Variants in PLPPR1 observed in about 807,000 individuals in gnomAD.
The protein encoded by PLPPR1 is phospholipid phosphatase related 1.
In PLPPR1, 10 loss-of-function variants were observed where a neutral mutation model predicts 33.1. The ratio of observed to expected loss-of-function variants is 0.30; its 90% CI spans 0.19 to 0.51. The LOEUF (loss-of-function observed/expected upper bound fraction) is 0.51, where lower values mean the gene tolerates loss of function less well. Ranked by LOEUF, PLPPR1 falls within the 20% of genes least tolerant of loss-of-function variation. The pLI is 0.97. For missense variants in PLPPR1, 304 were observed against 408.1 expected (o/e 0.74, Z 2.20); for synonymous variants, 151 against 151.0 (o/e 1.00, Z 0.00).
chr9:101,267,252 C>T (rs1329250151), intron 2 of PLPPR1, among the ~76,000 whole-genome samples: 1 of 152,230 alleles, frequency 6.6e-6, no homozygotes, highest in South Asian at 2.1e-4. Context: ...ACAGTAACTT[C>T]ATAGCTTTGA....
At chr9:101,050,018 G>C (rs907637828) in intron 1 of PLPPR1, among the ~76,000 whole-genome samples, 1 of 151,164 alleles carries the variant, frequency 6.6e-6, no homozygotes, top group South Asian at 2.1e-4. Flanking sequence ...CCAGCTACTC[G>C]GGAGGCTGAG....
chr9:101,212,380 G>A (rs924651018), intron 2 of PLPPR1, among the ~76,000 whole-genome samples: 17 of 152,064 alleles, frequency 1.1e-4, no homozygotes, highest in African/African-American at 3.6e-4. Flanking sequence ...ACCACTCCCG[G>A]CCACATCTTT....
At chr9:101,054,693 C>T (rs915157726) in intron 1 of PLPPR1, among the ~76,000 whole-genome samples, 1 of 152,146 alleles carries the variant, frequency 6.6e-6, no homozygotes, top group African/African-American at 2.4e-5. Context: ...CCACTGAAAT[C>T]CTTGACCATC....
intron 3 of PLPPR1, among the ~76,000 whole-genome samples, chr9:101,283,384 C>T (rs1327069800): frequency 1.3e-5 from 2 of 152,128 alleles, no homozygotes; most frequent in Non-Finnish European, 2.9e-5. Context: ...TGATTTTCAA[C>T]AAAGGTGTCA....
At chr9:101,043,866 A>G (rs1441442023) in intron 1 of PLPPR1, among the ~76,000 whole-genome samples, 1 of 152,026 alleles carries the variant, frequency 6.6e-6, no homozygotes, top group African/African-American at 2.4e-5. Flanking sequence ...GTGGTATCAT[A>G]TTGTGGTTTT....
chr9:101,157,291 G>T (rs542590300), intron 1 of PLPPR1, among the ~76,000 whole-genome samples: 1 of 152,162 alleles, frequency 6.6e-6, no homozygotes, highest in Non-Finnish European at 1.5e-5. Context: ...TAAGAGGTAG[G>T]ATGGGTGATT....
intron 4 of PLPPR1, among the ~76,000 whole-genome samples, chr9:101,302,646 G>C (rs555808498): frequency 9.2e-5 from 14 of 152,326 alleles, no homozygotes; most frequent in African/African-American, 2.6e-4. Context: ...ACAGTGTTAA[G>C]AATTCCTTAG....
intron 1 of PLPPR1, among the ~76,000 whole-genome samples, chr9:101,132,245 G>A (rs911969774): frequency 6.6e-6 from 1 of 152,138 alleles, no homozygotes; most frequent in African/African-American, 2.4e-5. Flanking sequence ...CACACTAGAA[G>A]GAGGATGACT....
At chr9:101,091,417 G>T (rs1830740237) in intron 1 of PLPPR1, among the ~76,000 whole-genome samples, 1 of 152,152 alleles carries the variant, frequency 6.6e-6, no homozygotes, top group Admixed American at 6.5e-5. Flanking sequence ...CATGTCTTCT[G>T]GAGGCTCTGG....
At chr9:101,182,570 A>T (rs1362143524) in intron 1 of PLPPR1, among the ~76,000 whole-genome samples, 1 of 151,788 alleles carries the variant, frequency 6.6e-6, no homozygotes, top group Non-Finnish European at 1.5e-5. Context: ...GGGGTGAAAA[A>T]ATATTTTGGA....
intron 1 of PLPPR1, among the ~76,000 whole-genome samples, chr9:101,149,631 C>T (rs1330686830): frequency 3.3e-5 from 5 of 152,114 alleles, no homozygotes; most frequent in African/African-American, 1.2e-4. Context: ...ATTCTACAGT[C>T]TATTCTAATT....
intron 1 of PLPPR1, among the ~76,000 whole-genome samples, chr9:101,166,840 C>T (rs961208554): frequency 3.3e-5 from 5 of 152,072 alleles, no homozygotes; most frequent in East Asian, 2.0e-4. Context: ...CCCCTGACTG[C>T]GTAGCAGTGC....
chr9:101,309,594 G>T (rs1588121640), intron 5 of PLPPR1, 133 bp downstream of exon 5: 3 of 980,456 alleles, frequency 3.1e-6, no homozygotes, highest in Non-Finnish European at 4.5e-6. Context: ...TCTACATTAT[G>T]CTATTGATAT....
At chr9:101,091,629 T>C (rs570625088) in intron 1 of PLPPR1, among the ~76,000 whole-genome samples, 4 of 152,312 alleles carry the variant, frequency 2.6e-5, no homozygotes, top group African/African-American at 9.6e-5. Flanking sequence ...TCTCTATATT[T>C]AAGGTCATCT....
Position 101,113,224 on chromosome 9 carries a change from C to T in PLPPR1, c.-45-72226C>T, listed in dbSNP as rs1291079310. Among the ~76,000 whole-genome samples, 5 of 148,370 alleles carry T rather than the reference C, an allele frequency of 3.4e-5. No homozygotes were observed. In the East Asian group the frequency reaches 7.9e-4, roughly 23 times the overall value. ...ATTAATCCTTTTTTTTTTTTTTTAA[C>T]CCTGGAGGATGTTTTAGTAGCCTCC... On this transcript the variant is annotated intron_variant, in intron 1 of 7. Coordinates refer to ENST00000374874, the MANE Select transcript of PLPPR1 (RefSeq NM_207299.2).
chr9:101,129,311 T>TA (rs968544440), intron 1 of PLPPR1, among the ~76,000 whole-genome samples: 91 of 142,538 alleles, frequency 6.4e-4, no homozygotes, highest in Admixed American at 9.9e-4. Context: ...GTTGAGAAAC[T>TA]AAAAAAAAAA....
intron 2 of PLPPR1, among the ~76,000 whole-genome samples, chr9:101,233,372 A>G (rs1827229392): frequency 6.6e-6 from 1 of 151,970 alleles, no homozygotes; most frequent in Non-Finnish European, 1.5e-5. Context: ...TTGAATCACA[A>G]TCTTAAAATG....
intron 4 of PLPPR1, among the ~76,000 whole-genome samples, chr9:101,299,357 C>A (rs1828705981): frequency 6.6e-6 from 1 of 152,138 alleles, no homozygotes; most frequent in Admixed American, 6.5e-5. Flanking sequence ...TTCAAGGATG[C>A]AGGGGAGGAA....
At chr9:101,246,723 A>G (rs577074910) in intron 2 of PLPPR1, among the ~76,000 whole-genome samples, 1 of 152,184 alleles carries the variant, frequency 6.6e-6, no homozygotes, top group Non-Finnish European at 1.5e-5. Context: ...ATTCAGTGGC[A>G]TACAACAGTA....
Sources: gnomAD v4.1 joint callset for allele counts (sites outside exome capture counted in the v4.1 genomes callset) on GRCh38, gnomAD v4.1.1 for gene constraint, MANE v1.5 for transcripts, NCBI Gene and HGNC (gene_info 2026-07-23, HGNC 2026-07-21) for gene names.